The following ACTR3C variants were observed in gnomAD, a reference collection of about 807,000 sequenced individuals.
The protein encoded by ACTR3C is actin-related protein 3C.
A neutral mutation model predicts 26.3 loss-of-function variants in ACTR3C; 18 were observed. The ratio of observed to expected loss-of-function variants is 0.68; its 90% CI spans 0.47 to 1.01. The LOEUF is 1.01. Among genes scored for constraint, ACTR3C ranks in the 50% least tolerant of loss-of-function variants. The pLI is 0.00. For synonymous variants in ACTR3C, 55 were observed against 94.5 expected, an observed-to-expected ratio of 0.58 and a Z score of 2.42; for missense variants, 184 against 250.7, an observed-to-expected ratio of 0.73 and a Z score of 1.80.
chr7:150,276,411 A>G (rs1834888235), intron 6 of ACTR3C, among the ~76,000 whole-genome samples: 1 of 152,200 alleles, frequency 6.6e-6, no homozygotes, highest in South Asian at 2.1e-4. Context: ...CCCTATTAGA[A>G]GCCCCTGCTG....
At chr7:150,034,153 G>C in the ACTR3C span, among the ~76,000 whole-genome samples, 17 of 151,928 alleles carry the variant, frequency 1.1e-4, no homozygotes, top group Middle Eastern at 3.4e-3. Context: ...AAAATAGGGG[G>C]CCTTTATGTT....
chr7:150,089,512 C>T, the ACTR3C span, among the ~76,000 whole-genome samples: 923 of 152,312 alleles, frequency 6.1e-3, 6 homozygotes, highest in African/African-American at 0.02. Flanking sequence ...TCAGGACTTT[C>T]TTCCTTGGGA....
chr7:150,077,359 G>T, the ACTR3C span, among the ~76,000 whole-genome samples: 1 of 152,160 alleles, frequency 6.6e-6, no homozygotes, highest in Non-Finnish European at 1.5e-5. Flanking sequence ...ACTGTAGGAG[G>T]TATTATTCAC....
chr7:150,039,876 G>T, the ACTR3C span, among the ~76,000 whole-genome samples: 3 of 109,234 alleles, frequency 2.7e-5, no homozygotes, highest in African/African-American at 5.9e-5. Flanking sequence ...AGAGGGGCTC[G>T]CTCTCAGTCC....
chr7:149,984,527 T>G, the ACTR3C span, among the ~76,000 whole-genome samples: 2 of 151,250 alleles, frequency 1.3e-5, no homozygotes, highest in African/African-American at 4.9e-5. Context: ...TGTTGATGCA[T>G]TCCTTGCTAC....
intron 6 of ACTR3C, among the ~76,000 whole-genome samples, chr7:150,276,494 A>G (rs4015665): frequency 6.6e-6 from 1 of 152,210 alleles, no homozygotes; most frequent in Non-Finnish European, 1.5e-5. Context: ...CTGAACCCAG[A>G]GATTGCAATC....
At chr7:150,157,367 T>G in the ACTR3C span, among the ~76,000 whole-genome samples, 1 of 150,642 alleles carries the variant, frequency 6.6e-6, no homozygotes, top group South Asian at 2.1e-4. Context: ...ATTTCTACAC[T>G]TTATTTGAAA....
the ACTR3C span, among the ~76,000 whole-genome samples, chr7:150,041,756 G>T: frequency 1.5e-4 from 22 of 145,902 alleles, no homozygotes; most frequent in African/African-American, 4.6e-4. Context: ...AGCCAGGGGG[G>T]GGAAGAGGGA....
At chr7:149,890,315 C>T in the ACTR3C span, among the ~76,000 whole-genome samples, 54 of 149,288 alleles carry the variant, frequency 3.6e-4, no homozygotes, top group African/African-American at 1.1e-3. Context: ...GAGCATCTCA[C>T]GGAAGAAAAC....
the ACTR3C span, among the ~76,000 whole-genome samples, chr7:149,956,562 G>T: frequency 6.6e-6 from 1 of 152,190 alleles, no homozygotes; most frequent in Non-Finnish European, 1.5e-5. Flanking sequence ...AGTAAACTTG[G>T]TGTGAATAAA....
At chr7:150,031,043 G>T in the ACTR3C span, among the ~76,000 whole-genome samples, 1 of 152,062 alleles carries the variant, frequency 6.6e-6, no homozygotes, top group East Asian at 1.9e-4. Flanking sequence ...GATCACCTGA[G>T]GCCAGGAGTT....
At chr7:149,906,592 G>A in the ACTR3C span, among the ~76,000 whole-genome samples, 3 of 150,624 alleles carry the variant, frequency 2.0e-5, no homozygotes, top group Admixed American at 6.6e-5. Context: ...CCACCATCCC[G>A]GGTTAATTTT....
the ACTR3C span, among the ~76,000 whole-genome samples, chr7:149,990,022 G>T: frequency 6.6e-6 from 1 of 152,032 alleles, no homozygotes; most frequent in African/African-American, 2.4e-5. Flanking sequence ...TCAGTGCGTT[G>T]CTCCTTCCCT....
At chr7:150,146,051 C>G in the ACTR3C span, among the ~76,000 whole-genome samples, 1 of 152,096 alleles carries the variant, frequency 6.6e-6, no homozygotes, top group African/African-American at 2.4e-5. Context: ...AAGTGGATCT[C>G]TGTCCTTGGA....
the ACTR3C span, among the ~76,000 whole-genome samples, chr7:150,152,622 C>A: frequency 0.019 from 2,844 of 152,192 alleles, 91 homozygotes; most frequent in African/African-American, 0.065. Context: ...TGTCTCTGCC[C>A]GGCTTTGGTA....
At chr7:150,197,229 GAA>G in the ACTR3C span, among the ~76,000 whole-genome samples, 2 of 152,096 alleles carry the variant, frequency 1.3e-5, no homozygotes, top group African/African-American at 4.8e-5. Context: ...GATTCACAAA[GAA>G]AAAGTCTTCA....
downstream of ACTR3C, among the ~76,000 whole-genome samples, chr7:150,243,136 A>G (rs1832278951): frequency 6.6e-6 from 1 of 152,304 alleles, no homozygotes; most frequent in Non-Finnish European, 1.5e-5. Flanking sequence ...TTTATGATCA[A>G]GTTTCGTGAT....
the ACTR3C span, among the ~76,000 whole-genome samples, chr7:149,995,694 T>C: frequency 6.6e-6 from 1 of 152,098 alleles, no homozygotes; most frequent in Non-Finnish European, 1.5e-5. Context: ...TTGGTGAGTG[T>C]CCAACTGGTC....
the ACTR3C span, among the ~76,000 whole-genome samples, chr7:149,952,408 C>G: frequency 1.5e-4 from 22 of 143,832 alleles, no homozygotes; most frequent in African/African-American, 5.0e-4. Flanking sequence ...AGATGAATAA[C>G]TGAATTTACA....
Sources: gnomAD v4.1 joint callset for allele counts (sites outside exome capture counted in the v4.1 genomes callset) on GRCh38, gnomAD v4.1.1 for gene constraint, MANE v1.5 for transcripts, NCBI Gene and HGNC (gene_info 2026-07-23, HGNC 2026-07-21) for gene names.